DOCK4: variants seen among roughly 807,000 people sequenced by gnomAD.
The protein encoded by DOCK4 is dedicator of cytokinesis protein 4.
DOCK4 carries 97 observed loss-of-function variants against 268.1 expected under a neutral mutation model. The observed-to-expected ratio is 0.36, with a 90% CI of 0.31 to 0.43. The LOEUF (loss-of-function observed/expected upper bound fraction) is 0.43. Among genes scored for constraint, DOCK4 ranks in the 20% least tolerant of loss-of-function variants. DOCK4 has a pLI of 1.00. For synonymous variants in DOCK4, 954 were observed against 887.2 expected (o/e 1.08, Z -1.34); for missense variants, 2,145 against 2,455.7 (o/e 0.87, Z 2.67).
At chr7:111,798,473 C>G (rs1800052831) in intron 30 of DOCK4, among the ~76,000 whole-genome samples, 1 of 152,248 alleles carries the variant, frequency 6.6e-6, no homozygotes, top group South Asian at 2.1e-4. Context: ...AGAAGAAACT[C>G]TAATCCAATA....
chr7:112,167,744 T>C (rs377555610), intron 1 of DOCK4, among the ~76,000 whole-genome samples: 47 of 152,310 alleles, frequency 3.1e-4, no homozygotes, highest in African/African-American at 1.1e-3. Context: ...ACTCAATTAA[T>C]CAGTACATGC....
intron 2 of DOCK4, among the ~76,000 whole-genome samples, chr7:112,002,794 A>G (rs931740498): frequency 5.5e-4 from 83 of 152,160 alleles, no homozygotes; most frequent in Non-Finnish European, 2.5e-4. Flanking sequence ...TCACACCTCT[A>G]ATCGCAGCAC....
At chr7:111,887,333 T>C (rs897039559) in intron 16 of DOCK4, among the ~76,000 whole-genome samples, 1 of 152,182 alleles carries the variant, frequency 6.6e-6, no homozygotes, top group African/African-American at 2.4e-5. Context: ...GAAAAACATA[T>C]CTGGCAGTTA....
chr7:111,764,206 T>C (rs940355289), intron 39 of DOCK4, among the ~76,000 whole-genome samples: 3 of 152,218 alleles, frequency 2.0e-5, no homozygotes, highest in East Asian at 1.9e-4. Flanking sequence ...GTATTGGATA[T>C]TTTGGGATCT....
At chr7:111,909,693 C>T (rs562772768) in intron 13 of DOCK4, among the ~76,000 whole-genome samples, 1 of 152,204 alleles carries the variant, frequency 6.6e-6, no homozygotes, top group Non-Finnish European at 1.5e-5. Context: ...GGCATGGTGG[C>T]CCATGCCTGT....
intron 30 of DOCK4, among the ~76,000 whole-genome samples, chr7:111,806,599 G>A (rs1203384187): frequency 6.6e-6 from 1 of 152,146 alleles, no homozygotes; most frequent in East Asian, 1.9e-4. Context: ...GATTGTGCTA[G>A]AGCTAAGTCT....
chr7:111,922,620 C>T (rs1793240389), intron 12 of DOCK4, among the ~76,000 whole-genome samples: 1 of 151,928 alleles, frequency 6.6e-6, no homozygotes, highest in Admixed American at 6.6e-5. Flanking sequence ...CTTACTCTGT[C>T]GCCCAGGCTG....
intron 1 of DOCK4, among the ~76,000 whole-genome samples, chr7:112,008,646 G>A (rs1332096189): frequency 6.6e-6 from 1 of 152,136 alleles, no homozygotes; most frequent in Non-Finnish European, 1.5e-5. Context: ...TGAATACAAA[G>A]AAACTCAATC....
rs192711978 is a variant in DOCK4 at position 111,823,828 on chromosome 7, C to A, written c.2836-1372G>T. ...ATTTATCAAATACAATGACACATTACGTTAAACATGTAAGCTGCTTGAATG... is the reference window on the plus strand; with the variant it reads ...ATTTATCAAATACAATGACACATTAAGTTAAACATGTAAGCTGCTTGAATG... On this transcript the variant is annotated intron_variant, in intron 26 of 52. Transcript: ENST00000428084. Among the ~76,000 whole-genome samples the A allele has an allele frequency of 4.6e-5, 7 of 152,252 alleles. No individual in the cohort carries two copies. In the East Asian group the frequency reaches 1.2e-3, roughly 25 times the overall value.
At chr7:111,776,563 C>G (rs1439044785) in intron 36 of DOCK4, among the ~76,000 whole-genome samples, 1 of 152,030 alleles carries the variant, frequency 6.6e-6, no homozygotes, top group East Asian at 1.9e-4. Flanking sequence ...CCAAAAGGCC[C>G]AACATTCATG....
At position 112,000,808 on chromosome 7, in the gene DOCK4, T is replaced by C. The variant is rs191445506; in HGVS notation, c.122-274A>G. Among the ~76,000 whole-genome samples, 832 of 152,296 alleles carry C rather than the reference T, an allele frequency of 5.5e-3. 8 individuals are homozygous for C. Among genetic ancestry groups the C allele is most frequent in the South Asian group, 0.046 (222 of 4,824 alleles). On this transcript the variant is annotated intron_variant, in intron 2 of 52. Coordinates refer to ENST00000428084, the MANE Select transcript of DOCK4 (RefSeq NM_001363540.2). ...GAATAAAGGCTTTAAAATCAGAGCA[T>C]TGGGCTTCAATTCTGGCTTTGCTTC...
At chr7:111,986,465 T>C (rs943802731) in intron 6 of DOCK4, among the ~76,000 whole-genome samples, 5 of 152,208 alleles carry the variant, frequency 3.3e-5, no homozygotes, top group African/African-American at 1.2e-4. Context: ...CATCTTCCCA[T>C]GGTTTGAGGT....
chr7:111,984,620 G>A (rs1798906561), intron 6 of DOCK4, among the ~76,000 whole-genome samples: 1 of 152,202 alleles, frequency 6.6e-6, no homozygotes. Flanking sequence ...GGAGGGATGG[G>A]TTGGCACTCT....
chr7:112,205,643 T>G (rs1821341125), intron 1 of DOCK4, among the ~76,000 whole-genome samples: 1 of 152,136 alleles, frequency 6.6e-6, no homozygotes. Context: ...CCTACTGTTT[T>G]GGGGGTGTTC....
chr7:111,823,011 GCACAATACATT>G (rs1340763667), intron 26 of DOCK4, among the ~76,000 whole-genome samples: 4 of 152,234 alleles, frequency 2.6e-5, no homozygotes, highest in South Asian at 4.1e-4. Flanking sequence ...AGTGTGCTGT[GCACAATACATT>G]CAAATGAGGA....
At chr7:111,787,582 A>G (rs747373259) in intron 32 of DOCK4, among the ~76,000 whole-genome samples, 1 of 152,152 alleles carries the variant, frequency 6.6e-6, no homozygotes, top group African/African-American at 2.4e-5. Context: ...CTTCAAGATA[A>G]TTTTTAATCA....
chr7:112,066,731 A>C (rs1229833563), intron 1 of DOCK4, among the ~76,000 whole-genome samples: 4 of 83,318 alleles, frequency 4.8e-5, no homozygotes, highest in South Asian at 3.6e-4. Context: ...ATATATATAT[A>C]TATATATATA....
chr7:111,998,387 T>G, intron 4 of DOCK4, 61 bp downstream of exon 4: 4 of 1,333,318 alleles, frequency 3.0e-6, no homozygotes, highest in Non-Finnish European at 4.1e-6. Context: ...GCCTTTCAAA[T>G]TCCAAAAGAA....
intron 1 of DOCK4, among the ~76,000 whole-genome samples, chr7:112,149,063 C>T (rs895115104): frequency 4.5e-4 from 68 of 152,282 alleles, no homozygotes; most frequent in Non-Finnish European, 7.4e-5. Flanking sequence ...TTAAAAAATA[C>T]CATTTTAAGA....
Sources: gnomAD v4.1 joint callset for allele counts (sites outside exome capture counted in the v4.1 genomes callset) on GRCh38, gnomAD v4.1.1 for gene constraint, MANE v1.5 for transcripts, NCBI Gene and HGNC (gene_info 2026-07-23, HGNC 2026-07-21) for gene names.